Variants in VWC2 observed in about 807,000 individuals in gnomAD.
The protein encoded by VWC2 is von Willebrand factor C domain containing 2.
Under a neutral mutation model 29.8 loss-of-function variants are expected in VWC2, and 14 were observed. The observed-to-expected ratio is 0.47, with a 90% CI of 0.31 to 0.74. VWC2 has a LOEUF of 0.74. VWC2 is among the 30% of genes least tolerant of loss of function. The pLI, the probability that VWC2 is intolerant of heterozygous loss-of-function variation, is 0.05. For synonymous variants in VWC2, 213 were observed against 199.0 expected (o/e 1.07, Z -0.59); for missense variants, 457 against 459.8 (o/e 0.99, Z 0.05).
intron 3 of VWC2, among the ~76,000 whole-genome samples, chr7:49,805,677 A>T (rs902312858): frequency 1.3e-5 from 2 of 152,268 alleles, no homozygotes; most frequent in African/African-American, 4.8e-5. Context: ...GCCTCCCCAC[A>T]TAAACAATGT....
At chr7:49,823,924 C>T (rs1789329015) in intron 3 of VWC2, among the ~76,000 whole-genome samples, 2 of 151,700 alleles carry the variant, frequency 1.3e-5, no homozygotes, top group Non-Finnish European at 1.5e-5. Context: ...AAATCTTTGG[C>T]TCATTCTTTA....
intron 3 of VWC2, among the ~76,000 whole-genome samples, chr7:49,839,458 C>T (rs1427447483): frequency 6.6e-6 from 1 of 152,010 alleles, no homozygotes; most frequent in African/African-American, 2.4e-5. Flanking sequence ...GTCTTTTATC[C>T]CTCCAAAATT....
intron 3 of VWC2, among the ~76,000 whole-genome samples, chr7:49,820,541 TCA>T (rs1789241292): frequency 1.3e-5 from 2 of 152,352 alleles, no homozygotes; most frequent in South Asian, 4.1e-4. Context: ...AAAATGAAGT[TCA>T]GTTACTGCAA....
intron 3 of VWC2, among the ~76,000 whole-genome samples, chr7:49,803,805 A>G (rs1163346821): frequency 6.6e-6 from 1 of 152,146 alleles, no homozygotes; most frequent in Non-Finnish European, 1.5e-5. Flanking sequence ...GTCTGTCATG[A>G]CAGTCGAAAT....
intron 3 of VWC2, among the ~76,000 whole-genome samples, chr7:49,803,257 A>AGAGAGTCC (rs1788787241): frequency 6.6e-6 from 1 of 152,234 alleles, no homozygotes; most frequent in Non-Finnish European, 1.5e-5. Flanking sequence ...TTAGGCAGGA[A>AGAGAGTCC]GAGAGTCCCT....
chr7:49,784,973 A>G (rs1788263694), intron 2 of VWC2, among the ~76,000 whole-genome samples: 1 of 152,248 alleles, frequency 6.6e-6, no homozygotes, highest in Non-Finnish European at 1.5e-5. Context: ...GGGATGTAAA[A>G]TGAGTATATT....
intron 2 of VWC2, among the ~76,000 whole-genome samples, chr7:49,792,182 C>T (rs1038666242): frequency 1.3e-5 from 2 of 152,186 alleles, no homozygotes; most frequent in African/African-American, 4.8e-5. Flanking sequence ...AGTTGTTTCC[C>T]GGAATCAGTC....
intron 2 of VWC2, among the ~76,000 whole-genome samples, chr7:49,800,403 A>G (rs1330632767): frequency 6.6e-6 from 1 of 152,012 alleles, no homozygotes; most frequent in African/African-American, 2.4e-5. Flanking sequence ...TAAATTCCCA[A>G]ATGGAAATGG....
intron 2 of VWC2, among the ~76,000 whole-genome samples, chr7:49,802,152 CA>C (rs1788752465): frequency 6.6e-6 from 1 of 152,300 alleles, no homozygotes; most frequent in African/African-American, 2.4e-5. Flanking sequence ...ATGCAGACCA[CA>C]AATTAAACAG....
At chr7:49,780,839 C>A (rs1276175063) in intron 2 of VWC2, among the ~76,000 whole-genome samples, 1 of 152,210 alleles carries the variant, frequency 6.6e-6, no homozygotes, top group Non-Finnish European at 1.5e-5. Context: ...AAACCAAATT[C>A]TCTCTGACTG....
chr7:49,792,901 G>C (rs548634560), intron 2 of VWC2, among the ~76,000 whole-genome samples: 21 of 152,308 alleles, frequency 1.4e-4, no homozygotes, highest in Admixed American at 3.3e-4. Flanking sequence ...TACAGGGCAC[G>C]CTGAGGTATG....
chr7:49,875,571 G>A (rs928678998), intron 3 of VWC2, among the ~76,000 whole-genome samples: 2 of 151,896 alleles, frequency 1.3e-5, no homozygotes, highest in East Asian at 1.9e-4. Context: ...GTGAAAGGTG[G>A]TCAGGGGTGC....
At chr7:49,799,855 A>T (rs902454547) in intron 2 of VWC2, among the ~76,000 whole-genome samples, 9 of 152,226 alleles carry the variant, frequency 5.9e-5, no homozygotes, top group African/African-American at 2.2e-4. Context: ...CCAAGCTGCA[A>T]ACCTGCACAG....
At chr7:49,908,151 T>C (rs1203877729) in intron 3 of VWC2, among the ~76,000 whole-genome samples, 1 of 152,240 alleles carries the variant, frequency 6.6e-6, no homozygotes, top group Non-Finnish European at 1.5e-5. Flanking sequence ...GGCTGGAATT[T>C]GGTTTCTTAT....
At chr7:49,802,988 A>T in intron 3 of VWC2, 148 bp downstream of exon 3, 1 of 1,027,274 alleles carries the variant, frequency 9.7e-7, no homozygotes, top group East Asian at 2.8e-5. Context: ...GTAATCTTTC[A>T]GCCACAGTGG....
chr7:49,888,566 G>A (rs1004217906), intron 3 of VWC2, among the ~76,000 whole-genome samples: 2 of 152,158 alleles, frequency 1.3e-5, no homozygotes, highest in Admixed American at 6.5e-5. Context: ...CCTCCCTGAA[G>A]CCTCAGGCAG....
intron 2 of VWC2, among the ~76,000 whole-genome samples, chr7:49,788,815 TGA>T (rs1347586510): frequency 2.1e-4 from 30 of 141,526 alleles, no homozygotes; most frequent in Admixed American, 8.4e-4. Context: ...TGGGTGCGTG[TGA>T]GAGTGGATAT....
intron 3 of VWC2, among the ~76,000 whole-genome samples, chr7:49,874,001 G>A (rs1791290075): frequency 6.6e-6 from 1 of 151,870 alleles, no homozygotes; most frequent in South Asian, 2.1e-4. Context: ...TATATTGTTT[G>A]GAGTGTGTGT....
intron 3 of VWC2, among the ~76,000 whole-genome samples, chr7:49,865,759 G>A (rs994443556): frequency 4.6e-5 from 7 of 152,204 alleles, no homozygotes; most frequent in Non-Finnish European, 8.8e-5. Context: ...TAACAAGCCA[G>A]CCTCCTGATC....
Sources: gnomAD v4.1 joint callset for allele counts (sites outside exome capture counted in the v4.1 genomes callset) on GRCh38, gnomAD v4.1.1 for gene constraint, MANE v1.5 for transcripts, NCBI Gene and HGNC (gene_info 2026-07-23, HGNC 2026-07-21) for gene names.